The following FAM227B variants were observed in gnomAD, a reference collection of about 807,000 sequenced individuals.
FAM227B encodes the protein family with sequence similarity 227 member B, also known as protein FAM227B.
FAM227B carries 88 observed loss-of-function variants against 73.8 expected under a neutral mutation model. The ratio of observed to expected loss-of-function variants is 1.19; its 90% confidence interval spans 1.00 to 1.42. The LOEUF (loss-of-function observed/expected upper bound fraction) is 1.42, where lower values mean the gene tolerates loss of function less well. Among genes scored for constraint, FAM227B ranks in the 40% most tolerant of loss-of-function variants. FAM227B has a pLI of 0.00. For missense variants in FAM227B, 632 were observed against 590.9 expected (o/e 1.07, Z -0.72); for synonymous variants, 210 against 190.5 (o/e 1.10, Z -0.84).
chr15:49,427,102 T>C (rs553891670), intron 11 of FAM227B, among the ~76,000 whole-genome samples: 260 of 152,110 alleles, frequency 1.7e-3, no homozygotes, highest in Non-Finnish European at 3.4e-3. Context: ...CTGATAGCCA[T>C]TTCCTATTAT....
intron 7 of FAM227B, 140 bp from the exon 8 acceptor site, chr15:49,575,249 T>TA: frequency 2.5e-6 from 1 of 403,790 alleles, no homozygotes; most frequent in Non-Finnish European, 4.5e-6. Context: ...ATGAGCCACA[T>TA]ACATAATGTT....
intron 3 of FAM227B, among the ~76,000 whole-genome samples, chr15:49,601,190 T>C (rs1056717438): frequency 2.7e-5 from 4 of 149,966 alleles, no homozygotes; most frequent in African/African-American, 7.3e-5. Flanking sequence ...TAATAGTAAC[T>C]TCATTCTCTT....
At chr15:49,603,044 G>C (rs1053727175) in intron 3 of FAM227B, among the ~76,000 whole-genome samples, 4 of 152,042 alleles carry the variant, frequency 2.6e-5, no homozygotes, top group Admixed American at 2.6e-4. Flanking sequence ...TTTGGTTAAC[G>C]CAGCTTGTAG....
intron 11 of FAM227B, chr15:49,486,685 A>G (rs1478652620): frequency 3.9e-5 from 6 of 152,008 alleles, no homozygotes; most frequent in Non-Finnish European, 7.4e-5. Context: ...ATCAAATTAC[A>G]TAGCAATGCT....
intron 11 of FAM227B, chr15:49,488,453 C>A (rs928193226): frequency 6.6e-6 from 1 of 151,944 alleles, no homozygotes; most frequent in Non-Finnish European, 1.5e-5. Flanking sequence ...ATAATACAGT[C>A]CTAGCCTCTT....
At position 49,541,662 on chromosome 15, in the gene FAM227B, T is replaced by C. The variant is rs770424033; in HGVS notation, c.874+18A>G. 1 of 1,414,452 alleles carries C rather than the reference T, an allele frequency of 7.1e-7. No homozygotes were observed. The highest frequency in any genetic ancestry group is 1.5e-5 in the African/African-American group (1 of 67,872). 87.6% of individuals were successfully genotyped at this position (1,414,452 alleles called of 1,614,324 possible). A position where few individuals can be genotyped will look rare whatever the true frequency, so the allele number is the denominator to read the frequency against. On this transcript the variant is annotated intron_variant, in intron 10 of 15. Coordinates refer to ENST00000299338, the MANE Select transcript of FAM227B (RefSeq NM_152647.3). ...AGAAACCAAAACAATGATTAATATT[T>C]AAATGATATATTCATACCTGAACAC...
chr15:49,567,888 C>T (rs957654434), intron 9 of FAM227B, among the ~76,000 whole-genome samples: 7 of 151,656 alleles, frequency 4.6e-5, no homozygotes, highest in African/African-American at 9.7e-5. Flanking sequence ...TTGTAAAGTC[C>T]GCTTAAGTGG....
At chr15:49,416,102 T>G (rs2049191173) in intron 11 of FAM227B, among the ~76,000 whole-genome samples, 1 of 151,126 alleles carries the variant, frequency 6.6e-6, no homozygotes, top group South Asian at 2.1e-4. Context: ...TTCATTCATA[T>G]TAGCCTTCAT....
At chr15:49,468,591 G>GAAA (rs2054472131) in intron 11 of FAM227B, among the ~76,000 whole-genome samples, 1 of 152,128 alleles carries the variant, frequency 6.6e-6, no homozygotes, top group African/African-American at 2.4e-5. Context: ...GGGTTCATGG[G>GAAA]AAAAGAGAAA....
chr15:49,415,915 C>G (rs2049180349), intron 11 of FAM227B, among the ~76,000 whole-genome samples: 1 of 152,138 alleles, frequency 6.6e-6, no homozygotes, highest in Non-Finnish European at 1.5e-5. Context: ...AGAGTTTAAA[C>G]TACTGTCTTT....
At chr15:49,611,147 C>T (rs1308561825) in intron 3 of FAM227B, 68 bp downstream of exon 3, 3 of 937,270 alleles carry the variant, frequency 3.2e-6, no homozygotes, top group East Asian at 2.4e-5. Flanking sequence ...TATTCTAAGC[C>T]TTCTAAATCT....
rs527488346 is a variant in FAM227B at position 49,587,707 on chromosome 15, T to G, written c.405+309A>C. The stretch of plus-strand genomic sequence containing the variant: ...AAAAAGAATTATTAATTTTCTAAAA[T>G]AAGAGGGCTGATATAGGACCTGCAC... On this transcript the variant is annotated intron_variant, in intron 5 of 15. Transcript: ENST00000299338. Among the ~76,000 whole-genome samples the G allele has an allele frequency of 3.3e-5, 5 of 152,168 alleles. No homozygotes were observed. In the South Asian group the frequency reaches 1.0e-3, roughly 32 times the overall value.
intron 10 of FAM227B, among the ~76,000 whole-genome samples, chr15:49,540,944 C>T (rs1299229895): frequency 6.6e-6 from 1 of 152,062 alleles, no homozygotes; most frequent in Non-Finnish European, 1.5e-5. Flanking sequence ...CTCAAAGGCT[C>T]CCTCCATAAA....
At chr15:49,576,538 T>C (rs2075453348) in intron 7 of FAM227B, 1 of 461,856 alleles carries the variant, frequency 2.2e-6, no homozygotes, top group East Asian at 3.9e-5. Context: ...AACCTCAGGG[T>C]CCCAAAGCAG....
chr15:49,354,421 T>C (rs1285829615), intron 13 of FAM227B, among the ~76,000 whole-genome samples: 2 of 152,172 alleles, frequency 1.3e-5, no homozygotes, highest in African/African-American at 4.8e-5. Flanking sequence ...GGGCGAGGCA[T>C]TGCCTCACTT....
At chr15:49,403,211 G>A (rs1050586058) in intron 11 of FAM227B, among the ~76,000 whole-genome samples, 1 of 152,104 alleles carries the variant, frequency 6.6e-6, no homozygotes. Flanking sequence ...TTGCATCTAT[G>A]TTCATCAAGG....
intron 5 of FAM227B, among the ~76,000 whole-genome samples, chr15:49,584,103 A>G (rs965519143): frequency 6.6e-5 from 10 of 152,222 alleles, no homozygotes; most frequent in Admixed American, 5.9e-4. Context: ...ACATTGATGC[A>G]AAAATCCTCA....
chr15:49,360,445 G>T (rs1384181732), intron 13 of FAM227B, among the ~76,000 whole-genome samples: 1 of 152,064 alleles, frequency 6.6e-6, no homozygotes, highest in South Asian at 2.1e-4. Context: ...CCAACATTTT[G>T]GCTCTGAGTT....
At chr15:49,396,055 T>C (rs1007869324) in intron 11 of FAM227B, 38 of 450,174 alleles carry the variant, frequency 8.4e-5, no homozygotes, top group Non-Finnish European at 1.4e-4. Context: ...ACGCAGAAGA[T>C]GGTGATTTCT....
Sources: gnomAD v4.1 joint callset for allele counts (sites outside exome capture counted in the v4.1 genomes callset) on GRCh38, gnomAD v4.1.1 for gene constraint, MANE v1.5 for transcripts, NCBI Gene and HGNC (gene_info 2026-07-23, HGNC 2026-07-21) for gene names.